NVL: variants seen among roughly 807,000 people sequenced by gnomAD.
NVL encodes nuclear VCP like.
NVL carries 84 observed loss-of-function variants against 110.2 expected under a neutral mutation model. The ratio of observed to expected loss-of-function variants is 0.76; its 90% CI spans 0.64 to 0.91. The LOEUF (loss-of-function observed/expected upper bound fraction) is 0.91. Among genes scored for constraint, NVL ranks in the 40% least tolerant of loss-of-function variants. The pLI is 0.00. For synonymous variants in NVL, 354 were observed against 361.1 expected, an observed-to-expected ratio of 0.98 and a Z score of 0.22; for missense variants, 882 against 1,035.9, an observed-to-expected ratio of 0.85 and a Z score of 2.04.
chr1:224,229,987 A>G (rs995239870), intron 22 of NVL, among the ~76,000 whole-genome samples: 2 of 152,004 alleles, frequency 1.3e-5, no homozygotes, highest in Non-Finnish European at 2.9e-5. Context: ...GCATGACACC[A>G]TGCCTGGCTA....
At chr1:224,263,904 A>G (rs951353834) in intron 18 of NVL, among the ~76,000 whole-genome samples, 3 of 152,132 alleles carry the variant, frequency 2.0e-5, no homozygotes, top group Non-Finnish European at 4.4e-5. Flanking sequence ...AATCCCAGCT[A>G]CTCGGGAGGC....
chr1:224,314,692 A>G (rs762555434), intron 4 of NVL, among the ~76,000 whole-genome samples: 3 of 152,246 alleles, frequency 2.0e-5, no homozygotes, highest in Non-Finnish European at 2.9e-5. Flanking sequence ...AGAGAACAAA[A>G]GAACACTTTC....
At chr1:224,262,566 G>A (rs143416019) in intron 18 of NVL, among the ~76,000 whole-genome samples, 70 of 152,276 alleles carry the variant, frequency 4.6e-4, no homozygotes, top group African/African-American at 1.7e-3. Context: ...AGTCAAGGAA[G>A]TCCTGAAATA....
At chr1:224,291,836 A>T (rs1667410695) in intron 12 of NVL, among the ~76,000 whole-genome samples, 1 of 152,220 alleles carries the variant, frequency 6.6e-6, no homozygotes, top group Non-Finnish European at 1.5e-5. Context: ...ACAGAAAATA[A>T]TATCGCCCTT....
At chr1:224,230,015 A>G (rs1373317754) in intron 22 of NVL, among the ~76,000 whole-genome samples, 1 of 151,934 alleles carries the variant, frequency 6.6e-6, no homozygotes, top group East Asian at 1.9e-4. Context: ...ATTTTTTTGT[A>G]GAGACAGGGT....
At chr1:224,232,491 T>C (rs1419609307) in intron 21 of NVL, among the ~76,000 whole-genome samples, 1 of 152,112 alleles carries the variant, frequency 6.6e-6, no homozygotes, top group African/African-American at 2.4e-5. Flanking sequence ...TCCCAAGTAG[T>C]TAGGACTATA....
At chr1:224,271,691 G>A (rs1181733524) in intron 17 of NVL, among the ~76,000 whole-genome samples, 5 of 151,890 alleles carry the variant, frequency 3.3e-5, no homozygotes, top group African/African-American at 4.8e-5. Context: ...TCACAAATGT[G>A]TATTCATGTA....
chr1:224,274,035 A>AATACACACACACAC (rs1553317778), intron 17 of NVL, among the ~76,000 whole-genome samples: 69 of 145,650 alleles, frequency 4.7e-4, no homozygotes, highest in Middle Eastern at 3.4e-3. Flanking sequence ...ATGACCTAAC[A>AATACACACACACAC]ACACACACAC....
At chr1:224,292,482 G>A (rs143122751) in intron 12 of NVL, among the ~76,000 whole-genome samples, 188 of 152,280 alleles carry the variant, frequency 1.2e-3, no homozygotes, top group African/African-American at 4.5e-3. Flanking sequence ...AGGCAGAGGT[G>A]GAATAATTTT....
chr1:224,298,663 TG>T lies in NVL; in HGVS notation c.1062+1898del, dbSNP rs139679805. The T allele has an allele frequency of 9.0e-3, 1,482 of 163,766 alleles. 25 individuals are homozygous for T. The highest frequency in any genetic ancestry group is 0.033 in the African/African-American group (1,371 of 41,956). 10.1% of individuals were successfully genotyped at this position (163,766 alleles called of 1,614,324 possible). On this transcript the variant is annotated intron_variant, in intron 10 of 22. Transcript: ENST00000281701. ...TTCTCTTCATTGAGTAGAAGTGTAG[TG>T]TCCTCTTCCGCAAAGAAACATTTAA...
intron 9 of NVL, chr1:224,301,615 AAC>A (rs1668418096): frequency 3.6e-6 from 1 of 280,094 alleles, no homozygotes; most frequent in Admixed American, 5.0e-5. Context: ...CAGCCTGGGC[AAC>A]ACAGTGAGAC....
intron 1 of NVL, among the ~76,000 whole-genome samples, chr1:224,327,889 G>A (rs1572089990): frequency 2.0e-5 from 3 of 151,866 alleles, no homozygotes; most frequent in South Asian, 2.1e-4. Flanking sequence ...ACTGAACAAC[G>A]AGAACAAAGG....
At chr1:224,328,786 G>A (rs1671399679) in intron 1 of NVL, among the ~76,000 whole-genome samples, 1 of 152,140 alleles carries the variant, frequency 6.6e-6, no homozygotes, top group East Asian at 1.9e-4. Flanking sequence ...GGGCAGATTT[G>A]AAGGAAGAAA....
chr1:224,307,698 C>CAAAAAA (rs11366790), intron 6 of NVL, among the ~76,000 whole-genome samples: 4 of 67,458 alleles, frequency 5.9e-5, no homozygotes, highest in Non-Finnish European at 8.4e-5. Context: ...GACCCAGTCT[C>CAAAAAA]AAAAAAAAAA....
At chr1:224,290,303 G>A (rs150402947) in intron 12 of NVL, among the ~76,000 whole-genome samples, 2 of 152,260 alleles carry the variant, frequency 1.3e-5, no homozygotes, top group East Asian at 3.9e-4. Flanking sequence ...TGTTATTAAA[G>A]GAATATCTTG....
rs746316443 is a variant in NVL, at chr1:224,326,376, AC to A, written c.131+14del. ...GACATAAAAATCCAAGGATCCGGAA[AC>A]TATATTTATTTACCTGTACACTCTT... On this transcript the variant is annotated intron_variant, in intron 2 of 22. Coordinates refer to ENST00000281701, the MANE Select transcript of NVL (RefSeq NM_002533.4). The A allele has an allele frequency of 1.1e-5, 18 of 1,573,738 alleles. No individual in the cohort carries two copies. The African/African-American group carries it at 2.4e-4, about 21-fold the overall frequency.
In NVL at chr1:224,227,674, A is replaced by G; in HGVS notation, c.2527-4T>C. 6.2e-7 allele frequency: 1 copy of G among 1,610,002 alleles called. No homozygotes were observed. The highest frequency in any genetic ancestry group is 8.5e-7 in the Non-Finnish European group (1 of 1,177,332). ...AACGTTCATACATGATTTGATCCTG[A>G]AAGGAGGGAGAACACAGAATACAGA... On this transcript the variant is annotated splice_region_variant and splice_polypyrimidine_tract_variant and intron_variant, in intron 22 of 22. Transcript: ENST00000281701.
chr1:224,243,869 C>T (rs752996766), intron 19 of NVL, among the ~76,000 whole-genome samples: 3 of 151,494 alleles, frequency 2.0e-5, no homozygotes, highest in African/African-American at 7.3e-5. Flanking sequence ...GCCATTTTGG[C>T]CAAGTAGGTC....
chr1:224,286,432 C>A (rs1666879516), intron 14 of NVL, among the ~76,000 whole-genome samples: 1 of 152,132 alleles, frequency 6.6e-6, no homozygotes, highest in African/African-American at 2.4e-5. Context: ...TCTTGAACTC[C>A]TGACCTCAGG....
Sources: allele counts gnomAD v4.1 joint callset (sites outside exome capture counted in the v4.1 genomes callset), GRCh38; gene constraint gnomAD v4.1.1; transcripts MANE v1.5; gene names NCBI Gene and HGNC (gene_info 2026-07-23, HGNC 2026-07-21).